Variants in THSD7B observed in about 807,000 individuals in gnomAD.
The protein encoded by THSD7B is thrombospondin type 1 domain containing 7B.
THSD7B carries 138 observed loss-of-function variants against 213.6 expected under a neutral mutation model. That is an observed-to-expected ratio of 0.65 (90% CI 0.56 to 0.74). The LOEUF (loss-of-function observed/expected upper bound fraction) is 0.74. Ranked by LOEUF, THSD7B falls within the 30% of genes least tolerant of loss-of-function variation. The pLI, the probability that THSD7B is intolerant of heterozygous loss-of-function variation, is 0.00. For missense variants in THSD7B, 1,931 were observed against 1,991.5 expected (o/e 0.97, Z 0.58); for synonymous variants, 742 against 687.0 (o/e 1.08, Z -1.25).
intron 12 of THSD7B, among the ~76,000 whole-genome samples, chr2:137,365,974 A>C (rs1243569012): frequency 6.6e-6 from 1 of 152,204 alleles, no homozygotes; most frequent in Non-Finnish European, 1.5e-5. Flanking sequence ...CACAATAGCA[A>C]AGACTTGGAA....
At chr2:137,011,435 G>C (rs913616309) in intron 2 of THSD7B, among the ~76,000 whole-genome samples, 2 of 152,144 alleles carry the variant, frequency 1.3e-5, no homozygotes, top group Non-Finnish European at 2.9e-5. Context: ...ATTCTAAGTT[G>C]TACGGACTGT....
At chr2:137,084,864 CT>C (rs1687809075) in intron 3 of THSD7B, among the ~76,000 whole-genome samples, 1 of 152,092 alleles carries the variant, frequency 6.6e-6, no homozygotes, top group East Asian at 1.9e-4. Flanking sequence ...CTATTTTATT[CT>C]GACAAATACA....
At chr2:137,049,983 A>T (rs1687039772) in intron 2 of THSD7B, among the ~76,000 whole-genome samples, 1 of 152,116 alleles carries the variant, frequency 6.6e-6, no homozygotes, top group Non-Finnish European at 1.5e-5. Flanking sequence ...AAATCACTGG[A>T]TTGGGTGTGT....
rs1688423061 is a variant in THSD7B at position 137,115,170 on chromosome 2, C to T, written c.1246C>T (p.Leu416Phe). The T allele has an allele frequency of 6.2e-7, 1 of 1,613,938 alleles. No individual in the cohort carries two copies. Among genetic ancestry groups the T allele is most frequent in the Non-Finnish European group, 8.5e-7 (1 of 1,179,876 alleles). ...SEWKECQVSL[L>F]LEQQDPHWHV... ...ATGGAAAGAATGCCAAGTCTCTCTC[C>T]TCCTCGAGCAGCAGGATCCCCACTG... is the stretch of plus-strand genomic sequence containing the variant. Residue 416 changes from leucine (L) to phenylalanine (F), a missense_variant, in exon 5 of 28, where the codon CTC (leucine) becomes TTC (phenylalanine). Transcript: ENST00000409968.
At chr2:136,974,316 A>G (rs1158090322) in intron 2 of THSD7B, among the ~76,000 whole-genome samples, 1 of 152,132 alleles carries the variant, frequency 6.6e-6, no homozygotes, top group East Asian at 1.9e-4. Flanking sequence ...CCCAGCATGC[A>G]TTAGCTACTT....
rs1687178595 is a variant in THSD7B at position 137,056,948 on chromosome 2, C to G, written c.668C>G (p.Ser223Ter). Reference sequence around the variant, plus strand: ...TTGCAATGTCCAAATCTGACTGAGTCAAGAGCCTGTGATGCTCCCATTTCC... The same window carrying G: ...TTGCAATGTCCAAATCTGACTGAGTGAAGAGCCTGTGATGCTCCCATTTCC... ...GGLQCPNLTE[S>*]RACDAPISCP... The change falls in exon 3 of 28, where the codon TCA becomes TGA. Residue 223 changes from serine (S) to a stop codon, truncating the protein, a stop_gained. Transcript: ENST00000409968. LOFTEE classifies it high-confidence loss of function. The G allele has an allele frequency of 6.2e-7, 1 of 1,613,864 alleles. No individual in the cohort carries two copies. The highest frequency in any genetic ancestry group is 8.5e-7 in the Non-Finnish European group (1 of 1,179,856).
At chr2:137,302,262 A>G (rs1379863414) in intron 12 of THSD7B, among the ~76,000 whole-genome samples, 1 of 151,432 alleles carries the variant, frequency 6.6e-6, no homozygotes, top group Non-Finnish European at 1.5e-5. Flanking sequence ...AACAAGGCTA[A>G]GAGACTGGGG....
intron 2 of THSD7B, among the ~76,000 whole-genome samples, chr2:137,049,436 A>G (rs1034370614): frequency 6.6e-6 from 1 of 152,218 alleles, no homozygotes; most frequent in Non-Finnish European, 1.5e-5. Context: ...AGGTTCTTTG[A>G]TCTCATGCAT....
intron 12 of THSD7B, among the ~76,000 whole-genome samples, chr2:137,356,237 G>T (rs929041629): frequency 2.6e-5 from 4 of 152,144 alleles, no homozygotes; most frequent in Admixed American, 1.3e-4. Flanking sequence ...ACGTACCAGG[G>T]CTATACCTAT....
rs797005337 is a variant in THSD7B, at chr2:137,501,416, C to A, written c.3138+50393C>A. ...CATTTCAATATTACATTGAGGGGTT[C>A]TGCATCCACTTTTTGAAAAAAAAAA... On this transcript the variant is annotated intron_variant, in intron 15 of 27. Coordinates refer to ENST00000409968, the MANE Select transcript of THSD7B (RefSeq NM_001316349.2). Among the ~76,000 whole-genome samples, 41 of 132,560 alleles carry A rather than the reference C, an allele frequency of 3.1e-4. 1 individual carries two copies. The highest frequency in any genetic ancestry group is 9.2e-4 in the African/African-American group (35 of 38,036). The allele number at this position is 132,560 out of a possible 152,430, so 87.0% of individuals were successfully genotyped here. A position where few individuals can be genotyped will look rare whatever the true frequency, so the allele number is the denominator to read the frequency against.
chr2:137,056,775 G>A lies in THSD7B; in HGVS notation c.495G>A (p.Gln165=), dbSNP rs746241304. 5 of 1,613,978 alleles carry A rather than the reference G, an allele frequency of 3.1e-6. No homozygotes were observed. Among genetic ancestry groups the A allele is most frequent in the Non-Finnish European group, 4.2e-6 (5 of 1,179,892 alleles). Reference sequence around the variant, plus strand: ...AAATATGCGAACACTTTGCCCTTCAGCCTCCTACAGAACAGGCTTGCCTCA... The same window carrying A: ...AAATATGCGAACACTTTGCCCTTCAACCTCCTACAGAACAGGCTTGCCTCA... The part of the protein sequence containing the change: ...ANEICEHFAL[Q]PPTEQACLIP... The change falls in exon 3 of 28, where the codon CAG becomes CAA. Residue 165 remains glutamine, a synonymous_variant. Transcript: ENST00000409968.
At position 137,254,343 on chromosome 2, in the gene THSD7B, C is replaced by T. The variant is rs1029392982; in HGVS notation, c.2266+11771C>T. ...TGTTTGTCATATTGTATTTTGAGAC[C>T]TTATGGATAACCAAAGGAATACAGA... On this transcript the variant is annotated intron_variant, in intron 10 of 27. Coordinates refer to ENST00000409968, the MANE Select transcript of THSD7B (RefSeq NM_001316349.2). Among the ~76,000 whole-genome samples, 4 of 152,070 alleles carry T rather than the reference C, an allele frequency of 2.6e-5. No homozygotes were observed. In the East Asian group the frequency reaches 7.7e-4, roughly 29 times the overall value.
At chr2:137,046,158 C>A (rs1180587239) in intron 2 of THSD7B, among the ~76,000 whole-genome samples, 3 of 152,060 alleles carry the variant, frequency 2.0e-5, no homozygotes, top group East Asian at 3.9e-4. Flanking sequence ...ATTAATTAGA[C>A]CCTAACTGTA....
In THSD7B at chr2:137,148,655, G is replaced by C. The variant is rs139833791; in HGVS notation, c.1370-11558G>C. 7.9e-4 allele frequency among the ~76,000 whole-genome samples: 120 copies of C among 152,300 alleles called. 4 individuals carry two copies. The East Asian group carries it at 0.02, about 25-fold the overall frequency. ...GGTATCAGATGGAGATGAAGAGCTT[G>C]TTGGGAACTGGAGTAAAGGTCACTT... On this transcript the variant is annotated intron_variant, in intron 5 of 27. Transcript: ENST00000409968.
rs141151595 is a variant in THSD7B, at chr2:137,080,567, G to A, written c.951-14306G>A. Among the ~76,000 whole-genome samples, 895 of 151,892 alleles carry A rather than the reference G, an allele frequency of 5.9e-3. 12 individuals carry two copies. Among genetic ancestry groups the A allele is most frequent in the African/African-American group, 0.021 (854 of 41,424 alleles). ...CATTTTTATTTTAGAAGTTACCTTT[G>A]TATTTAACTTTGTGTAGTGCCCTTA... On this transcript the variant is annotated intron_variant, in intron 3 of 27. Transcript: ENST00000409968.
intron 2 of THSD7B, among the ~76,000 whole-genome samples, chr2:136,895,514 C>T (rs1217496654): frequency 1.7e-3 from 129 of 73,848 alleles, no homozygotes; most frequent in South Asian, 2.9e-3. Context: ...CAAGTGGAGA[C>T]TTTTTTTTTT....
chr2:137,381,846 C>A (rs185248325), intron 12 of THSD7B, among the ~76,000 whole-genome samples: 1 of 152,172 alleles, frequency 6.6e-6, no homozygotes, highest in Non-Finnish European at 1.5e-5. Context: ...TCAAAGACTA[C>A]GTGCTGCAGC....
At chr2:137,498,240 A>C (rs1056601092) in intron 15 of THSD7B, among the ~76,000 whole-genome samples, 3 of 152,116 alleles carry the variant, frequency 2.0e-5, no homozygotes, top group Non-Finnish European at 2.9e-5. Flanking sequence ...GCTCCCCATC[A>C]TGTGCCAAGA....
At chr2:137,249,942 G>T (rs1036082612) in intron 10 of THSD7B, among the ~76,000 whole-genome samples, 3 of 152,176 alleles carry the variant, frequency 2.0e-5, no homozygotes, top group African/African-American at 7.2e-5. Context: ...CAGTTTAATG[G>T]TAAAGGAAGA....
Sources: allele counts gnomAD v4.1 joint callset (sites outside exome capture counted in the v4.1 genomes callset), GRCh38; gene constraint gnomAD v4.1.1; transcripts MANE v1.5; gene names NCBI Gene and HGNC (gene_info 2026-07-23, HGNC 2026-07-21).